Variants in SP140 observed in about 807,000 individuals in gnomAD.
The protein encoded by SP140 is SP140 nuclear body protein, also known as nuclear body protein SP140.
Under a neutral mutation model 125.0 loss-of-function variants are expected in SP140, and 81 were observed. The observed-to-expected ratio is 0.65, with a 90% CI of 0.54 to 0.78. The LOEUF is 0.78. Among genes scored for constraint, SP140 ranks in the 30% least tolerant of loss-of-function variants. The pLI, the probability that SP140 is intolerant of heterozygous loss-of-function variation, is 0.00. For synonymous variants in SP140, 312 were observed against 354.0 expected (o/e 0.88, Z 1.33); for missense variants, 858 against 1,037.0 (o/e 0.83, Z 2.37).
intron 22 of SP140, among the ~76,000 whole-genome samples, chr2:230,306,458 G>T (rs2058771307): frequency 1.3e-5 from 2 of 152,250 alleles, no homozygotes; most frequent in South Asian, 4.1e-4. Context: ...TCCCAAATTG[G>T]CAGGGCAGGA....
At chr2:230,222,187 G>A (rs144489499), upstream of SP140, among the ~76,000 whole-genome samples, 20 of 147,272 alleles carry the variant, frequency 1.4e-4, no homozygotes, top group East Asian at 1.4e-3. Context: ...CTGAGACTGC[G>A]CCACAGCAGT....
chr2:230,284,100 T>C (rs1411858891), intron 15 of SP140, among the ~76,000 whole-genome samples: 1 of 152,138 alleles, frequency 6.6e-6, no homozygotes, highest in Non-Finnish European at 1.5e-5. Flanking sequence ...TAATTTTCCA[T>C]TAAAAATTTT....
downstream of SP140, among the ~76,000 whole-genome samples, chr2:230,314,459 C>A (rs549337038): frequency 5.9e-5 from 9 of 152,306 alleles, no homozygotes; most frequent in African/African-American, 2.2e-4. Flanking sequence ...AATGTGAAAC[C>A]AGATACGTGA....
In SP140 at chr2:230,256,479, C is replaced by T. The variant is rs888173379; in HGVS notation, c.1240+947C>T. Among the ~76,000 whole-genome samples the T allele has an allele frequency of 2.2e-5, 3 of 137,958 alleles. No homozygotes were observed. In the Admixed American group the frequency reaches 2.5e-4, roughly 12 times the overall value. The allele number at this position is 137,958 out of a possible 152,430, so 90.5% of individuals were successfully genotyped here. A position where few individuals can be genotyped will look rare whatever the true frequency, so the allele number is the denominator to read the frequency against. On this transcript the variant is annotated intron_variant, in intron 12 of 26. Coordinates refer to ENST00000392045, the MANE Select transcript of SP140 (RefSeq NM_007237.5). ...ATAGGTGGGAATTGAACAATGAGAA[C>T]ACTTGGACACAAGAAGGGGGATATC...
intron 1 of SP140, among the ~76,000 whole-genome samples, chr2:230,233,769 T>C (rs1439645346): frequency 6.6e-6 from 1 of 152,248 alleles, no homozygotes; most frequent in Non-Finnish European, 1.5e-5. Context: ...TATACGTCTT[T>C]TAAATATAAG....
chr2:230,229,218 CAA>C (rs1225003286), intron 1 of SP140, among the ~76,000 whole-genome samples: 2 of 151,580 alleles, frequency 1.3e-5, no homozygotes, highest in African/African-American at 2.4e-5. Context: ...AAATGACTGA[CAA>C]TGTTAAAAAG....
At chr2:230,305,204 A>G (rs562754189) in intron 22 of SP140, among the ~76,000 whole-genome samples, 1 of 152,376 alleles carries the variant, frequency 6.6e-6, no homozygotes, top group South Asian at 2.1e-4. Flanking sequence ...CCGCAATGCG[A>G]TACCACCTTA....
chr2:230,193,140 A>C, the SP140 span, among the ~76,000 whole-genome samples: 7 of 152,124 alleles, frequency 4.6e-5, no homozygotes, highest in Non-Finnish European at 7.4e-5. Context: ...TGTTGCTTTA[A>C]AGTCTGTTTT....
intron 23 of SP140, chr2:230,310,522 C>T: frequency 9.7e-7 from 1 of 1,031,542 alleles, no homozygotes; most frequent in East Asian, 2.7e-5. Context: ...CTCACGGTGA[C>T]ACCACCTTCC....
chr2:230,265,591 G>T (rs919204430), intron 12 of SP140, among the ~76,000 whole-genome samples: 2 of 152,126 alleles, frequency 1.3e-5, no homozygotes, highest in Non-Finnish European at 2.9e-5. Context: ...GCCTTCTAGG[G>T]GACCCAGCCA....
intron 1 of SP140, chr2:230,209,929 A>G: frequency 6.3e-7 from 1 of 1,576,058 alleles, no homozygotes; most frequent in African/African-American, 1.3e-5. Context: ...GGCTTTTCTT[A>G]CCTTTCTTGT....
chr2:230,294,905 G>A (rs2057530055), intron 21 of SP140, among the ~76,000 whole-genome samples: 1 of 152,222 alleles, frequency 6.6e-6, no homozygotes, highest in Non-Finnish European at 1.5e-5. Context: ...TTCTCAAGGT[G>A]AAATTATTTC....
the SP140 span, among the ~76,000 whole-genome samples, chr2:230,190,200 G>A: frequency 6.6e-6 from 1 of 152,134 alleles, no homozygotes; most frequent in African/African-American, 2.4e-5. Context: ...TTTCTCCACA[G>A]CCTCACCAGC....
intron 21 of SP140, among the ~76,000 whole-genome samples, chr2:230,295,861 T>C (rs1263373703): frequency 6.6e-6 from 1 of 152,208 alleles, no homozygotes; most frequent in Non-Finnish European, 1.5e-5. Context: ...TCTAAGTGAA[T>C]CAACATTCAT....
At chr2:230,255,291 A>G (rs2050984376) in intron 11 of SP140, among the ~76,000 whole-genome samples, 161 bp from the exon 12 acceptor site, 1 of 152,178 alleles carries the variant, frequency 6.6e-6, no homozygotes, top group Non-Finnish European at 1.5e-5. Context: ...GTGTCCACCT[A>G]CAGGCCAGGT....
chr2:230,223,023 T>C (rs2045948410), upstream of SP140, among the ~76,000 whole-genome samples: 1 of 150,992 alleles, frequency 6.6e-6, no homozygotes, highest in South Asian at 2.1e-4. Context: ...CAGCATGATG[T>C]CATCAATCAG....
chr2:230,225,240 C>G (rs554381508), upstream of SP140, among the ~76,000 whole-genome samples: 131 of 152,324 alleles, frequency 8.6e-4, no homozygotes, highest in African/African-American at 3.0e-3. Flanking sequence ...TGCCCAACCT[C>G]AGCACTTGCC....
chr2:230,279,893 G>A (rs2055274583), intron 15 of SP140, among the ~76,000 whole-genome samples: 1 of 151,758 alleles, frequency 6.6e-6, no homozygotes, highest in Non-Finnish European at 1.5e-5. Context: ...AAATAAGTGG[G>A]AATACAGGCA....
At chr2:230,263,265 A>G (rs2052565973) in intron 12 of SP140, among the ~76,000 whole-genome samples, 1 of 152,168 alleles carries the variant, frequency 6.6e-6, no homozygotes, top group Non-Finnish European at 1.5e-5. Context: ...TTTGTCTAAT[A>G]TAAGAATAGC....
Sources: allele counts gnomAD v4.1 joint callset (sites outside exome capture counted in the v4.1 genomes callset), GRCh38; gene constraint gnomAD v4.1.1; transcripts MANE v1.5; gene names NCBI Gene and HGNC (gene_info 2026-07-23, HGNC 2026-07-21).